Variants in CSPP1 observed in about 807,000 individuals in gnomAD.
The protein encoded by CSPP1 is centrosome and spindle pole-associated protein 1.
In CSPP1, 126 loss-of-function variants were observed where a neutral mutation model predicts 164.4. The ratio of observed to expected loss-of-function variants is 0.77; its 90% CI spans 0.66 to 0.89. The LOEUF (loss-of-function observed/expected upper bound fraction) is 0.89, where lower values mean the gene tolerates loss of function less well. CSPP1 is among the 40% of genes least tolerant of loss of function. The pLI is 0.00. For synonymous variants in CSPP1, 472 were observed against 476.7 expected, an observed-to-expected ratio of 0.99 and a Z score of 0.13; for missense variants, 1,395 against 1,449.8, an observed-to-expected ratio of 0.96 and a Z score of 0.61.
chr8:67,189,223 T>C (rs1586905725), intron 28 of CSPP1, among the ~76,000 whole-genome samples: 1 of 152,164 alleles, frequency 6.6e-6, no homozygotes, highest in African/African-American at 2.4e-5. Context: ...CTTACAAAAA[T>C]AAGCATATTC....
intron 24 of CSPP1, among the ~76,000 whole-genome samples, chr8:67,165,606 T>TGCC (rs1437071989): frequency 6.6e-6 from 1 of 152,220 alleles, no homozygotes; most frequent in Admixed American, 6.5e-5. Context: ...AGGTATCCTG[T>TGCC]AGAATGCCTC....
chr8:67,182,269 A>G (rs1273332330), intron 28 of CSPP1, among the ~76,000 whole-genome samples: 1 of 151,964 alleles, frequency 6.6e-6, no homozygotes, highest in South Asian at 2.1e-4. Flanking sequence ...CAAAGTGCCA[A>G]AGTGCTGAGA....
chr8:67,107,598 CTA>C (rs918794287), intron 9 of CSPP1, among the ~76,000 whole-genome samples: 2 of 152,144 alleles, frequency 1.3e-5, no homozygotes, highest in African/African-American at 4.8e-5. Context: ...CCCCCCAAAA[CTA>C]TGTTTGTACA....
chr8:67,181,682 A>G (rs1285676685), intron 28 of CSPP1, among the ~76,000 whole-genome samples: 1 of 152,230 alleles, frequency 6.6e-6, no homozygotes, highest in Non-Finnish European at 1.5e-5. Context: ...TGTAAAATAC[A>G]CATAAACATA....
At chr8:67,083,270 AGG>A (rs1324158342) in intron 3 of CSPP1, among the ~76,000 whole-genome samples, 1 of 152,042 alleles carries the variant, frequency 6.6e-6, no homozygotes, top group African/African-American at 2.4e-5. Flanking sequence ...GCAGTGGCTG[AGG>A]CCTGTAATCC....
intron 24 of CSPP1, among the ~76,000 whole-genome samples, chr8:67,166,702 C>T (rs1829368692): frequency 6.6e-6 from 1 of 150,924 alleles, no homozygotes; most frequent in African/African-American, 2.4e-5. Flanking sequence ...AACTTCTAAA[C>T]ATGCATATTT....
At chr8:67,190,433 G>A (rs528326394) in intron 28 of CSPP1, among the ~76,000 whole-genome samples, 1 of 152,270 alleles carries the variant, frequency 6.6e-6, no homozygotes, top group Admixed American at 6.5e-5. Flanking sequence ...TGTGCACAAA[G>A]GAGCTGTTTA....
intron 24 of CSPP1, 34 bp downstream of exon 24, chr8:67,164,542 G>A: frequency 9.9e-7 from 1 of 1,011,530 alleles, no homozygotes; most frequent in Non-Finnish European, 1.6e-6. Context: ...GTGTTCGCTT[G>A]AGTTCTTTTA....
chr8:67,102,995 A>G (rs1814468175), intron 7 of CSPP1, 42 bp from the exon 8 acceptor site: 2 of 1,161,244 alleles, frequency 1.7e-6, no homozygotes, highest in African/African-American at 3.0e-5. Context: ...AAGAAGGTCC[A>G]CTGTATGTGG....
chr8:67,070,047 T>C (rs1223149418), intron 1 of CSPP1, among the ~76,000 whole-genome samples: 1 of 310 alleles, frequency 3.2e-3, no homozygotes, highest in African/African-American at 0.015. Context: ...CTATCAGACA[T>C]AGAATATTTA....
At chr8:67,071,933 C>A (rs1806871053) in intron 1 of CSPP1, among the ~76,000 whole-genome samples, 1 of 152,204 alleles carries the variant, frequency 6.6e-6, no homozygotes, top group South Asian at 2.1e-4. Context: ...AGAGAAAAAA[C>A]TAAAAACTTC....
rs1374098404 is a variant in CSPP1 at position 67,131,951 on chromosome 8, G to T, written c.1698G>T (p.Val566=). The change falls in exon 16 of 31, where the codon GTG becomes GTT. Residue 566 remains valine (V), a splice_region_variant and synonymous_variant. Transcript: ENST00000678616. ...ATTATTTATTGTGTATTTGATGTAG[G>T]AATACGGTTGGACAGAATGAACTGA... ...PVTHQLAQPV[V]NTVGQNELKI... The T allele has an allele frequency of 6.3e-7, 1 of 1,597,414 alleles. No homozygotes were observed. The highest frequency in any genetic ancestry group is 8.5e-7 in the Non-Finnish European group (1 of 1,171,790).
chr8:67,066,585 G>C (rs1805593331), intron 1 of CSPP1, among the ~76,000 whole-genome samples: 1 of 151,932 alleles, frequency 6.6e-6, no homozygotes, highest in South Asian at 2.1e-4. Flanking sequence ...GTTCTATTCT[G>C]AGTTGTAGAC....
intron 24 of CSPP1, among the ~76,000 whole-genome samples, chr8:67,170,290 CAAAA>C (rs113067786): frequency 2.0e-5 from 2 of 102,526 alleles, no homozygotes; most frequent in Admixed American, 2.0e-4. Flanking sequence ...ACTAAAAATA[CAAAA>C]AAAAAAAAAA....
chr8:67,191,663 A>G (rs547080580), intron 29 of CSPP1, among the ~76,000 whole-genome samples: 86 of 152,304 alleles, frequency 5.6e-4, no homozygotes, highest in African/African-American at 1.9e-3. Context: ...TTGTTTATCC[A>G]TTTAACAATA....
Position 67,175,453 on chromosome 8 carries a change from G to T in CSPP1, c.3109+17G>T. On this transcript the variant is annotated intron_variant, in intron 26 of 30. Transcript: ENST00000678616. ...GTGCCAAAGGTAAGAAATAATCATT[G>T]CTGTGTCAAATAGTATCAGCACGCT... is the stretch of plus-strand genomic sequence containing the variant. The T allele has an allele frequency of 1.2e-6, 2 of 1,613,904 alleles. No individual in the cohort carries two copies. The highest frequency in any genetic ancestry group is 1.7e-6 in the Non-Finnish European group (2 of 1,179,820).
chr8:67,142,200 G>T (rs945781501), intron 17 of CSPP1, among the ~76,000 whole-genome samples: 4 of 151,686 alleles, frequency 2.6e-5, no homozygotes, highest in African/African-American at 9.7e-5. Context: ...TCTTTATTCA[G>T]GTTTTTATTT....
rs139435919 is a variant in CSPP1 at position 67,089,981 on chromosome 8, C to T, written c.304-1822C>T. On this transcript the variant is annotated intron_variant, in intron 4 of 30. Coordinates refer to ENST00000678616, the MANE Select transcript of CSPP1 (RefSeq NM_001382391.1). ...TGTTGTTGTTATTGTTTATTCTTTTCATTTTATTGAAAATTTCAAACATCA... is the reference window on the plus strand; with the variant it reads ...TGTTGTTGTTATTGTTTATTCTTTTTATTTTATTGAAAATTTCAAACATCA... Among the ~76,000 whole-genome samples the T allele has an allele frequency of 1.6e-3, 237 of 151,858 alleles. 4 individuals are homozygous for T. The highest frequency in any genetic ancestry group is 0.015 in the East Asian group (76 of 5,140).
At chr8:67,137,254 C>T (rs1443110270) in intron 16 of CSPP1, among the ~76,000 whole-genome samples, 11 of 151,560 alleles carry the variant, frequency 7.3e-5, no homozygotes, top group Admixed American at 1.3e-4. Flanking sequence ...GCATGAGCCA[C>T]GACACCTGAC....
Sources: gnomAD v4.1 joint callset for allele counts (sites outside exome capture counted in the v4.1 genomes callset) on GRCh38, gnomAD v4.1.1 for gene constraint, MANE v1.5 for transcripts, NCBI Gene and HGNC (gene_info 2026-07-23, HGNC 2026-07-21) for gene names.